CHD7: variants seen among roughly 807,000 people sequenced by gnomAD.
CHD7 encodes the protein ATP-dependent chromatin remodeler CHD7.
A neutral mutation model predicts 307.3 loss-of-function variants in CHD7; 24 were observed. The observed-to-expected ratio is 0.08, with a 90% CI of 0.06 to 0.11. CHD7 has a LOEUF of 0.11. CHD7 is among the 10% of genes least tolerant of loss of function. The pLI, the probability that CHD7 is intolerant of heterozygous loss-of-function variation, is 1.00. For synonymous variants in CHD7, 1,363 were observed against 1,349.9 expected (o/e 1.01, Z -0.21); for missense variants, 3,106 against 3,727.1 (o/e 0.83, Z 4.34).
chr8:60,853,922 A>G (rs1421560448), intron 31 of CHD7, among the ~76,000 whole-genome samples: 1 of 152,244 alleles, frequency 6.6e-6, no homozygotes, highest in Non-Finnish European at 1.5e-5. Context: ...AATAGAATCT[A>G]AAAATAACCA....
chr8:60,845,074 A>T lies in CHD7; in HGVS notation c.5050+11A>T, dbSNP rs1305098374. On this transcript the variant is annotated intron_variant, in intron 22 of 37. Transcript: ENST00000423902. The stretch of plus-strand genomic sequence containing the variant: ...TGGTCAACCATTCCGGTAGGTCTCC[A>T]CCATGCTGTTTGTGCTACAGGGTCA... 1 of 1,613,198 alleles carries T rather than the reference A, an allele frequency of 6.2e-7. No individual in the cohort carries two copies. Among genetic ancestry groups the T allele is most frequent in the Non-Finnish European group, 8.5e-7 (1 of 1,179,510 alleles).
chr8:60,698,646 C>T (rs1806610083), intron 1 of CHD7, among the ~76,000 whole-genome samples: 1 of 152,188 alleles, frequency 6.6e-6, no homozygotes, highest in Non-Finnish European at 1.5e-5. Context: ...TTATACCAAA[C>T]ATTCATTGAA....
Position 60,801,590 on chromosome 8 carries a change from G to T in CHD7, c.2439G>T (p.Lys813Asn). ...EKIMSSRSVK[K>N]QKESGEEVEI... ...TTATGAGCAGTCGTTCAGTAAAAAAGCAGGTGAGTGCCATTGGAGCCATTA... is the reference window on the plus strand; with the variant it reads ...TTATGAGCAGTCGTTCAGTAAAAAATCAGGTGAGTGCCATTGGAGCCATTA... Residue 813 changes from lysine to asparagine, a missense_variant, in exon 6 of 38, where the codon AAG (lysine) becomes AAT (asparagine). Physicochemically the swap from Lys to Asn is moderately conservative, Grantham distance 94. Around this residue, in one of 10 missense-constraint regions of CHD7, gnomAD observed 188 missense variants for 261.7 expected, o/e 0.72. Transcript: ENST00000423902. The T allele has an allele frequency of 6.4e-7, 1 of 1,568,574 alleles. No homozygotes were observed. Among genetic ancestry groups the T allele is most frequent in the Non-Finnish European group, 8.7e-7 (1 of 1,154,546 alleles).
chr8:60,681,295 C>T (rs915743041), intron 1 of CHD7, among the ~76,000 whole-genome samples: 1 of 152,188 alleles, frequency 6.6e-6, no homozygotes, highest in African/African-American at 2.4e-5. Flanking sequence ...GAATCCTTCT[C>T]CCAGCCCCCA....
At chr8:60,680,046 C>G (rs893777500) in intron 1 of CHD7, among the ~76,000 whole-genome samples, 1 of 151,692 alleles carries the variant, frequency 6.6e-6, no homozygotes, top group Admixed American at 6.5e-5. Flanking sequence ...GCCGGGCCGC[C>G]GGCGGCGGCA....
chr8:60,773,490 T>C (rs1285342029), intron 2 of CHD7, among the ~76,000 whole-genome samples: 1 of 152,244 alleles, frequency 6.6e-6, no homozygotes, highest in Non-Finnish European at 1.5e-5. Flanking sequence ...AGCTCAACTC[T>C]GTGCCCTAGG....
At chr8:60,713,537 A>G (rs896505087) in intron 1 of CHD7, among the ~76,000 whole-genome samples, 1 of 152,192 alleles carries the variant, frequency 6.6e-6, no homozygotes, top group African/African-American at 2.4e-5. Flanking sequence ...TTTGATTTCA[A>G]TACTGATTTT....
chr8:60,779,776 C>CA (rs1811116985), intron 2 of CHD7, among the ~76,000 whole-genome samples: 2 of 152,150 alleles, frequency 1.3e-5, no homozygotes, highest in Non-Finnish European at 2.9e-5. Flanking sequence ...GGAGTGAGGA[C>CA]TCTGGAGCTA....
At chr8:60,768,338 G>T (rs1476488726) in intron 2 of CHD7, among the ~76,000 whole-genome samples, 1 of 152,170 alleles carries the variant, frequency 6.6e-6, no homozygotes, top group Non-Finnish European at 1.5e-5. Context: ...GGCATCTTGA[G>T]TTGTTTTCCC....
chr8:60,794,037 G>A (rs1445449699), intron 3 of CHD7, among the ~76,000 whole-genome samples: 1 of 152,080 alleles, frequency 6.6e-6, no homozygotes, highest in East Asian at 1.9e-4. Context: ...CAGGAGAATC[G>A]CTTGGACCCG....
intron 4 of CHD7, among the ~76,000 whole-genome samples, chr8:60,798,040 C>T (rs1376009643): frequency 6.6e-6 from 1 of 152,206 alleles, no homozygotes; most frequent in Non-Finnish European, 1.5e-5. Context: ...TCATTAACCC[C>T]ATTCTACAGA....
rs779427012 is a variant in CHD7 at position 60,742,226 on chromosome 8, A to G, written c.794A>G (p.His265Arg). ...CATCACCACCCCTCTACTGCTCTCC[A>G]TGGAGAATCCGTTGCCCACAGTCCC... Reference protein sequence around the residue: ...QFHHHPSTALHGESVAHSPRF... With the variant: ...QFHHHPSTALRGESVAHSPRF... The change falls in exon 2 of 38, where the codon CAT becomes CGT. Residue 265 changes from histidine (H) to arginine (R), a missense_variant. Coordinates refer to ENST00000423902, the MANE Select transcript of CHD7 (RefSeq NM_017780.4). 1.2e-6 allele frequency: 2 copies of G among 1,613,784 alleles called. No individual in the cohort carries two copies. The highest frequency in any genetic ancestry group is 1.7e-6 in the Non-Finnish European group (2 of 1,179,838).
intron 1 of CHD7, among the ~76,000 whole-genome samples, chr8:60,685,721 T>G (rs1351232713): frequency 6.6e-6 from 1 of 152,220 alleles, no homozygotes; most frequent in Non-Finnish European, 1.5e-5. Context: ...TAAATTACCT[T>G]CAAAGTTACT....
At chr8:60,848,884 T>G (rs948493007) in intron 24 of CHD7, among the ~76,000 whole-genome samples, 167 bp from the exon 25 acceptor site, 3 of 152,220 alleles carry the variant, frequency 2.0e-5, no homozygotes, top group Non-Finnish European at 4.4e-5. Flanking sequence ...TCATTTCTGG[T>G]CATGGCAGAG....
intron 3 of CHD7, among the ~76,000 whole-genome samples, chr8:60,784,629 C>T (rs184652325): frequency 3.0e-4 from 46 of 152,298 alleles, no homozygotes; most frequent in Non-Finnish European, 5.4e-4. Flanking sequence ...TTGTGTGTCT[C>T]CTCACTGTCT....
At chr8:60,717,471 G>A (rs1807669168) in intron 1 of CHD7, among the ~76,000 whole-genome samples, 1 of 152,164 alleles carries the variant, frequency 6.6e-6, no homozygotes. Context: ...CCTTGCAGTG[G>A]CACAGTATGT....
chr8:60,733,968 T>C (rs1808582229), intron 1 of CHD7, among the ~76,000 whole-genome samples: 1 of 152,208 alleles, frequency 6.6e-6, no homozygotes, highest in African/African-American at 2.4e-5. Context: ...TCTTTAAAAT[T>C]AAACCATCTT....
intron 26 of CHD7, 66 bp downstream of exon 26, chr8:60,850,688 G>C: frequency 6.7e-7 from 1 of 1,487,854 alleles, no homozygotes. Context: ...GCAGGGTTCA[G>C]TTCTTACCCT....
intron 2 of CHD7, among the ~76,000 whole-genome samples, chr8:60,754,585 A>G (rs1809794702): frequency 1.3e-5 from 2 of 152,204 alleles, no homozygotes; most frequent in Admixed American, 6.5e-5. Flanking sequence ...TAGATTCTCC[A>G]TAAGGCAGAC....
Sources: allele counts gnomAD v4.1 joint callset (sites outside exome capture counted in the v4.1 genomes callset), GRCh38; gene constraint gnomAD v4.1.1; regional missense constraint gnomAD v4.1.1; transcripts MANE v1.5; gene names NCBI Gene and HGNC (gene_info 2026-07-23, HGNC 2026-07-21).